Variants in PSMA8 observed in about 807,000 individuals in gnomAD.
PSMA8 encodes proteasome subunit alpha-type 8.
A neutral mutation model predicts 32.4 loss-of-function variants in PSMA8; 18 were observed. The observed-to-expected ratio is 0.56, with a 90% CI of 0.38 to 0.82. The LOEUF (loss-of-function observed/expected upper bound fraction) is 0.82, where lower values mean the gene tolerates loss of function less well. PSMA8 is among the 40% of genes least tolerant of loss of function. PSMA8 has a pLI of 0.00. For missense variants in PSMA8, 298 were observed against 300.7 expected (o/e 0.99, Z 0.07); for synonymous variants, 104 against 98.1 (o/e 1.06, Z -0.36).
At position 26,177,790 on chromosome 18, in the gene PSMA8, C is replaced by G. The variant is rs147964300; in HGVS notation, c.478-1040C>G. Among the ~76,000 whole-genome samples, 792 of 152,304 alleles carry G rather than the reference C, an allele frequency of 5.2e-3. 8 individuals carry two copies. Among genetic ancestry groups the G allele is most frequent in the African/African-American group, 0.018 (750 of 41,554 alleles). Reference sequence around the variant, plus strand: ...AAATCTACAAAAATAGTGCTCAGCCCAACTTAGGTAAATAGCTTTCTTCAT... The same window carrying G: ...AAATCTACAAAAATAGTGCTCAGCCGAACTTAGGTAAATAGCTTTCTTCAT... On this transcript the variant is annotated intron_variant, in intron 4 of 6. Transcript: ENST00000415576.
chr18:26,154,166 T>G (rs1213696953), intron 3 of PSMA8, among the ~76,000 whole-genome samples: 1 of 152,214 alleles, frequency 6.6e-6, no homozygotes, highest in Non-Finnish European at 1.5e-5. Flanking sequence ...CCTCCCAAAG[T>G]GCTGGGATTA....
chr18:26,144,468 A>T, intron 1 of PSMA8, 91 bp from the exon 2 acceptor site: 1 of 1,059,430 alleles, frequency 9.4e-7, no homozygotes, highest in South Asian at 1.5e-5. Flanking sequence ...ACTTAAGGAG[A>T]AGTCATTTCC....
chr18:26,149,280 A>G (rs1487190121), intron 2 of PSMA8, among the ~76,000 whole-genome samples: 1 of 152,244 alleles, frequency 6.6e-6, no homozygotes, highest in Non-Finnish European at 1.5e-5. Flanking sequence ...ACTCTGAAAA[A>G]TGCAAAACAT....
At chr18:26,192,269 T>C (rs780879502) in intron 6 of PSMA8, 50 bp from the exon 7 acceptor site, 3 of 1,318,398 alleles carry the variant, frequency 2.3e-6, no homozygotes, top group Non-Finnish European at 3.0e-6. Flanking sequence ...TGTATTTACA[T>C]ATTATTCGTA....
chr18:26,175,319 T>C (rs1468358516), intron 4 of PSMA8, among the ~76,000 whole-genome samples: 2 of 152,256 alleles, frequency 1.3e-5, no homozygotes, highest in African/African-American at 4.8e-5. Context: ...GGAAGTGCCA[T>C]TGGTATCAGC....
At chr18:26,185,353 G>A (rs969182083) in intron 6 of PSMA8, among the ~76,000 whole-genome samples, 3 of 150,608 alleles carry the variant, frequency 2.0e-5, no homozygotes, top group African/African-American at 7.4e-5. Context: ...ACAACACAAC[G>A]ATGTTCTCAT....
At position 26,151,966 on chromosome 18, in the gene PSMA8, T is replaced by C. The variant is rs759218300; in HGVS notation, c.338T>C (p.Ile113Thr). ...ACTGTAGAATACATAACTCGCTTCA[T>C]AGCAACTTTAAAGCAGGTAAGCTAA... Reference protein sequence around the residue: ...PVTVEYITRFIATLKQKYTQS... With the variant: ...PVTVEYITRFTATLKQKYTQS... Residue 113 changes from isoleucine to threonine, a missense_variant, in exon 3 of 7, where the codon ATA (isoleucine) becomes ACA (threonine). Ile to Thr is a moderately conservative substitution (Grantham distance 89). Transcript: ENST00000415576. 2 of 1,599,394 alleles carry C rather than the reference T, an allele frequency of 1.3e-6. No homozygotes were observed. The highest frequency in any genetic ancestry group is 1.1e-5 in the South Asian group (1 of 87,642).
intron 2 of PSMA8, among the ~76,000 whole-genome samples, chr18:26,144,935 T>A (rs572026845): frequency 2.0e-4 from 31 of 152,082 alleles, no homozygotes; most frequent in African/African-American, 7.5e-4. Context: ...TTTTTATTTT[T>A]AAATAATTAC....
chr18:26,179,214 C>A, intron 6 of PSMA8, 84 bp downstream of exon 6: 1 of 949,974 alleles, frequency 1.1e-6, no homozygotes, highest in South Asian at 1.5e-5. Context: ...CTCTAGGCTT[C>A]CGATATAATG....
chr18:26,165,571 T>G (rs188749795), intron 4 of PSMA8, among the ~76,000 whole-genome samples: 2 of 151,120 alleles, frequency 1.3e-5, no homozygotes, highest in African/African-American at 2.4e-5. Context: ...AAGGGAATTT[T>G]CCCCCCCCAA....
Position 26,163,213 on chromosome 18 carries a change from GTATATATATATATATATATATATA to G in PSMA8, c.477+4995_477+5018del, listed in dbSNP as rs58945617. ...AGGTGGTGTGTGTTTATGTGTGTGT[GTATATATATATATATATATATATA>G]TATATATATATATATATATATATAT... On this transcript the variant is annotated intron_variant, in intron 4 of 6. Coordinates refer to ENST00000415576, the MANE Select transcript of PSMA8 (RefSeq NM_001025096.2). Among the ~76,000 whole-genome samples the G allele has an allele frequency of 4.9e-3, 399 of 80,904 alleles. 13 individuals are homozygous for G. Among genetic ancestry groups the G allele is most frequent in the African/African-American group, 0.013 (250 of 19,386 alleles). The allele number at this position is 80,904 out of a possible 152,430, so 53.1% of individuals were successfully genotyped here.
chr18:26,150,782 TTCC>T (rs1316317905), intron 2 of PSMA8, among the ~76,000 whole-genome samples: 2 of 152,336 alleles, frequency 1.3e-5, no homozygotes, highest in Admixed American at 1.3e-4. Context: ...TTACTTTTGT[TTCC>T]TCAGGCTTGG....
At chr18:26,172,963 A>G (rs2055235497) in intron 4 of PSMA8, among the ~76,000 whole-genome samples, 1 of 152,160 alleles carries the variant, frequency 6.6e-6, no homozygotes, top group Non-Finnish European at 1.5e-5. Context: ...TTGGCCACTA[A>G]TACAGTCCTG....
chr18:26,158,029 G>A, intron 3 of PSMA8, 93 bp from the exon 4 acceptor site: 2 of 783,976 alleles, frequency 2.6e-6, no homozygotes, highest in Non-Finnish European at 4.0e-6. Flanking sequence ...TAAGAATTAG[G>A]GAAGTGGATC....
In PSMA8 at chr18:26,192,414, C is replaced by A; in HGVS notation, c.*3C>A. On this transcript the variant is annotated 3_prime_UTR_variant, in exon 7 of 7. Coordinates refer to ENST00000415576, the MANE Select transcript of PSMA8 (RefSeq NM_001025096.2). Reference sequence around the variant, plus strand: ...AAAAATCAAAGAAATCTGTCTAATTCTTAGGATGACCACTGGGAGGTCTTA... The same window carrying A: ...AAAAATCAAAGAAATCTGTCTAATTATTAGGATGACCACTGGGAGGTCTTA... 2 of 1,525,058 alleles carry A rather than the reference C, an allele frequency of 1.3e-6. No homozygotes were observed. The highest frequency in any genetic ancestry group is 1.4e-5 in the South Asian group (1 of 73,896). The allele number at this position is 1,525,058 out of a possible 1,614,324, so 94.5% of individuals were successfully genotyped here.
intron 4 of PSMA8, among the ~76,000 whole-genome samples, chr18:26,172,172 T>C (rs1478184732): frequency 6.6e-6 from 1 of 152,184 alleles, no homozygotes; most frequent in Non-Finnish European, 1.5e-5. Flanking sequence ...ACATGATATC[T>C]CTCAACAATA....
chr18:26,186,270 A>G (rs1369004755), intron 6 of PSMA8, among the ~76,000 whole-genome samples: 1 of 150,236 alleles, frequency 6.7e-6, no homozygotes, highest in Admixed American at 6.6e-5. Flanking sequence ...AAAAAAAAAA[A>G]AAAAAAACGC....
At chr18:26,178,088 C>T (rs891783787) in intron 4 of PSMA8, among the ~76,000 whole-genome samples, 1 of 151,872 alleles carries the variant, frequency 6.6e-6, no homozygotes, top group Non-Finnish European at 1.5e-5. Context: ...TGTGGTGCCA[C>T]GTACCAATAG....
Position 26,134,061 on chromosome 18 carries a change from C to A in PSMA8, c.96C>A (p.Ser32=). 1 of 1,612,310 alleles carries A rather than the reference C, an allele frequency of 6.2e-7. No individual in the cohort carries two copies. The highest frequency in any genetic ancestry group is 1.1e-5 in the South Asian group (1 of 91,040). ...EYAQEAVKKG[S]TAVGIRGTNI... ...CCCAGGAAGCGGTGAAGAAAGGATC[C>A]ACCGCGGTGAGGAAGCAACTATTAC... is the stretch of plus-strand genomic sequence containing the variant. The change falls in exon 1 of 7, where the codon TCC becomes TCA. Residue 32 remains serine, a synonymous_variant. Coordinates refer to ENST00000415576, the MANE Select transcript of PSMA8 (RefSeq NM_001025096.2).
Sources: gnomAD v4.1 joint callset for allele counts (sites outside exome capture counted in the v4.1 genomes callset) on GRCh38, gnomAD v4.1.1 for gene constraint, MANE v1.5 for transcripts, NCBI Gene and HGNC (gene_info 2026-07-23, HGNC 2026-07-21) for gene names.